PCCA: variants seen among roughly 807,000 people sequenced by gnomAD.
The protein encoded by PCCA is propionyl-CoA carboxylase alpha chain, mitochondrial.
A neutral mutation model predicts 101.3 loss-of-function variants in PCCA; 74 were observed. That is an observed-to-expected ratio of 0.73 (90% confidence interval 0.61 to 0.89). The LOEUF (loss-of-function observed/expected upper bound fraction) is 0.89, where lower values mean the gene tolerates loss of function less well. PCCA is among the 40% of genes least tolerant of loss of function. The pLI is 0.00. For missense variants in PCCA, 891 were observed against 907.0 expected, an observed-to-expected ratio of 0.98 and a Z score of 0.23; for synonymous variants, 294 against 313.6, an observed-to-expected ratio of 0.94 and a Z score of 0.66.
chr13:100,223,989 C>T (rs1289504631), intron 7 of PCCA, among the ~76,000 whole-genome samples: 1 of 152,384 alleles, frequency 6.6e-6, no homozygotes, highest in East Asian at 1.9e-4. Flanking sequence ...TGGCTTCACC[C>T]AGTGGATCCC....
chr13:100,449,444 T>C (rs2081068339), intron 21 of PCCA, 139 bp downstream of exon 21: 4 of 597,714 alleles, frequency 6.7e-6, no homozygotes, highest in Non-Finnish European at 5.9e-6. Flanking sequence ...ACAAATGATA[T>C]TCTAGGGAAC....
chr13:100,514,755 T>C (rs1022843179), intron 21 of PCCA, among the ~76,000 whole-genome samples: 4 of 152,216 alleles, frequency 2.6e-5, no homozygotes, highest in African/African-American at 9.7e-5. Context: ...AACATCTTGA[T>C]GTTATTGTCT....
At chr13:100,420,186 A>G (rs2078655447) in intron 19 of PCCA, among the ~76,000 whole-genome samples, 2 of 152,208 alleles carry the variant, frequency 1.3e-5, no homozygotes, top group African/African-American at 4.8e-5. Context: ...TTTATTGTCA[A>G]TTAAAGGCAA....
chr13:100,284,864 C>T (rs991490216), intron 12 of PCCA, among the ~76,000 whole-genome samples: 7 of 152,204 alleles, frequency 4.6e-5, no homozygotes, highest in African/African-American at 1.7e-4. Flanking sequence ...TTGGTCAGGC[C>T]CTAGCCCAAG....
chr13:100,459,095 T>C (rs947022110), intron 21 of PCCA, among the ~76,000 whole-genome samples: 1 of 152,148 alleles, frequency 6.6e-6, no homozygotes, highest in African/African-American at 2.4e-5. Flanking sequence ...TGTGGCTATG[T>C]AATTCCAGGG....
chr13:100,434,122 T>C (rs1383026555), intron 20 of PCCA, among the ~76,000 whole-genome samples: 1 of 152,192 alleles, frequency 6.6e-6, no homozygotes, highest in Non-Finnish European at 1.5e-5. Context: ...GATGACGGTC[T>C]TATGACCTGC....
intron 19 of PCCA, among the ~76,000 whole-genome samples, chr13:100,421,142 C>T (rs931952531): frequency 2.6e-5 from 4 of 151,630 alleles, no homozygotes; most frequent in East Asian, 1.9e-4. Flanking sequence ...GGGAGGTGGA[C>T]GGAGGTTGCA....
chr13:100,137,766 C>A (rs935297900), intron 4 of PCCA, among the ~76,000 whole-genome samples: 1 of 150,860 alleles, frequency 6.6e-6, no homozygotes, highest in East Asian at 1.9e-4. Context: ...ATACTTGGGT[C>A]ATATTTTGAC....
chr13:100,123,729 A>G (rs192969381), intron 4 of PCCA, among the ~76,000 whole-genome samples: 1 of 152,286 alleles, frequency 6.6e-6, no homozygotes, highest in East Asian at 1.9e-4. Context: ...ATACATTTTA[A>G]TACATTGTAA....
intron 5 of PCCA, among the ~76,000 whole-genome samples, chr13:100,155,751 A>G (rs73570961): frequency 4.1e-4 from 62 of 152,294 alleles, no homozygotes; most frequent in African/African-American, 1.3e-3. Context: ...TATCTCTAAA[A>G]CTGGATGGAA....
chr13:100,416,725 A>G (rs913671673), intron 19 of PCCA, among the ~76,000 whole-genome samples: 1 of 151,842 alleles, frequency 6.6e-6, no homozygotes, highest in Non-Finnish European at 1.5e-5. Flanking sequence ...GGGTTTCACC[A>G]TCTTGGCCAG....
chr13:100,379,600 G>A (rs1262324223), intron 19 of PCCA, among the ~76,000 whole-genome samples: 1 of 152,166 alleles, frequency 6.6e-6, no homozygotes, highest in Non-Finnish European at 1.5e-5. Flanking sequence ...AAATGAAACA[G>A]CTTTAATGAA....
chr13:100,107,069 C>A (rs1306544548), intron 2 of PCCA, among the ~76,000 whole-genome samples: 1 of 152,136 alleles, frequency 6.6e-6, no homozygotes, highest in Non-Finnish European at 1.5e-5. Flanking sequence ...TACCTACTGT[C>A]CCAAGTGCAA....
intron 21 of PCCA, among the ~76,000 whole-genome samples, chr13:100,492,362 C>T (rs567547883): frequency 1.3e-5 from 2 of 152,234 alleles, no homozygotes; most frequent in East Asian, 1.9e-4. Flanking sequence ...TTTCGATCTC[C>T]TGACCTTGTG....
rs564315922 is a variant in PCCA, at chr13:100,216,710, A to G, written c.600+7247A>G. On this transcript the variant is annotated intron_variant, in intron 7 of 23. Transcript: ENST00000376285. Reference sequence around the variant, plus strand: ...AACCAAGAGAAAAAATTAAAAGACAATAGAAACATATCCACATATGCTTCA... The same window carrying G: ...AACCAAGAGAAAAAATTAAAAGACAGTAGAAACATATCCACATATGCTTCA... 3.9e-5 allele frequency among the ~76,000 whole-genome samples: 6 copies of G among 152,354 alleles called. No homozygotes were observed. The South Asian group carries it at 6.2e-4, about 16-fold the overall frequency.
intron 21 of PCCA, among the ~76,000 whole-genome samples, chr13:100,450,261 A>G (rs569913391): frequency 6.6e-6 from 1 of 151,876 alleles, no homozygotes; most frequent in South Asian, 2.1e-4. Flanking sequence ...GTGGGCGCCT[A>G]TAATCCCAGC....
chr13:100,464,231 G>C (rs963881575), intron 21 of PCCA, among the ~76,000 whole-genome samples: 3 of 152,178 alleles, frequency 2.0e-5, no homozygotes, highest in African/African-American at 7.2e-5. Context: ...GATCGGGCAG[G>C]GGTGGGGGAG....
chr13:100,316,243 A>G (rs867448959), intron 16 of PCCA, among the ~76,000 whole-genome samples: 1 of 152,214 alleles, frequency 6.6e-6, no homozygotes, highest in Non-Finnish European at 1.5e-5. Flanking sequence ...TATTTTATTT[A>G]GAAAACATTA....
intron 7 of PCCA, among the ~76,000 whole-genome samples, chr13:100,217,001 C>T (rs1041229015): frequency 2.0e-5 from 3 of 151,704 alleles, no homozygotes; most frequent in Non-Finnish European, 2.9e-5. Flanking sequence ...CCCAGCTACT[C>T]GGGAGGCTGA....
Sources: gnomAD v4.1 joint callset for allele counts (sites outside exome capture counted in the v4.1 genomes callset) on GRCh38, gnomAD v4.1.1 for gene constraint, MANE v1.5 for transcripts, NCBI Gene and HGNC (gene_info 2026-07-23, HGNC 2026-07-21) for gene names.